Variants in ROCK1 observed in about 807,000 individuals in gnomAD.
ROCK1 encodes the protein Rho associated coiled-coil containing protein kinase 1.
In ROCK1, 36 loss-of-function variants were observed where a neutral mutation model predicts 196.8. The observed-to-expected ratio is 0.18, with a 90% CI of 0.14 to 0.24. The LOEUF (loss-of-function observed/expected upper bound fraction) is 0.24, where lower values mean the gene tolerates loss of function less well. ROCK1 is among the 10% of genes least tolerant of loss of function. ROCK1 has a pLI of 1.00. For missense variants in ROCK1, 920 were observed against 1,562.0 expected (o/e 0.59, Z 6.93); for synonymous variants, 443 against 515.9 (o/e 0.86, Z 1.91).
intron 1 of ROCK1, among the ~76,000 whole-genome samples, chr18:21,081,842 A>G (rs2036485088): frequency 6.6e-6 from 1 of 152,258 alleles, no homozygotes; most frequent in Non-Finnish European, 1.5e-5. Context: ...CAATAACTGT[A>G]ACAAGTAAGA....
At chr18:20,959,047 A>AAT (rs1334919677) in intron 29 of ROCK1, among the ~76,000 whole-genome samples, 6 of 49,536 alleles carry the variant, frequency 1.2e-4, no homozygotes, top group East Asian at 5.5e-4. Context: ...TATAATATAT[A>AAT]ATATATATAT....
At chr18:20,959,040 A>AATAT (rs1376289380) in intron 29 of ROCK1, among the ~76,000 whole-genome samples, 1 of 57,426 alleles carries the variant, frequency 1.7e-5, no homozygotes, top group African/African-American at 1.4e-4. Context: ...TATTTTATAT[A>AATAT]ATATATAATA....
intron 13 of ROCK1, 84 bp downstream of exon 13, chr18:21,015,347 C>A: frequency 2.1e-6 from 2 of 931,706 alleles, no homozygotes; most frequent in South Asian, 2.8e-5. Context: ...CTACAGAATT[C>A]AAATACAATT....
intron 2 of ROCK1, among the ~76,000 whole-genome samples, chr18:21,055,978 C>T (rs1376503903): frequency 1.3e-5 from 2 of 152,162 alleles, no homozygotes; most frequent in African/African-American, 4.8e-5. Context: ...ACTTCAATCA[C>T]TCTCTCCTGA....
chr18:20,987,299 G>C (rs2035586427), intron 18 of ROCK1, among the ~76,000 whole-genome samples, 189 bp from the exon 19 acceptor site: 1 of 152,120 alleles, frequency 6.6e-6, no homozygotes, highest in Non-Finnish European at 1.5e-5. Context: ...CTAAAGAAAA[G>C]GAGTTATAAA....
At chr18:20,958,203 A>G (rs2035265218) in intron 29 of ROCK1, among the ~76,000 whole-genome samples, 3 of 152,186 alleles carry the variant, frequency 2.0e-5, no homozygotes, top group African/African-American at 2.4e-5. Flanking sequence ...AATTTTGACA[A>G]CTAAAGCTGT....
intron 9 of ROCK1, among the ~76,000 whole-genome samples, chr18:21,035,263 C>T (rs1283794812): frequency 6.6e-6 from 1 of 152,214 alleles, no homozygotes; most frequent in African/African-American, 2.4e-5. Context: ...AAACATATGG[C>T]TGAGCGTGGT....
chr18:21,002,532 T>C (rs539473333), intron 16 of ROCK1, among the ~76,000 whole-genome samples: 1 of 152,310 alleles, frequency 6.6e-6, no homozygotes, highest in Admixed American at 6.5e-5. Context: ...GACTTTCTTT[T>C]ATAAGCTGTA....
At chr18:21,040,501 C>T (rs2036095900) in intron 8 of ROCK1, among the ~76,000 whole-genome samples, 1 of 152,138 alleles carries the variant, frequency 6.6e-6, no homozygotes, top group Non-Finnish European at 1.5e-5. Context: ...AAAGTTAGCA[C>T]CTTTTTTCCC....
rs529904656 is a variant in ROCK1 at position 21,015,414 on chromosome 18, T to A, written c.1410+17A>T. 20 of 1,514,178 alleles carry A rather than the reference T, an allele frequency of 1.3e-5. No individual in the cohort carries two copies. The highest frequency in any genetic ancestry group is 1.8e-6 in the Non-Finnish European group (2 of 1,097,734). 93.8% of individuals were successfully genotyped at this position (1,514,178 alleles called of 1,614,324 possible). A position where few individuals can be genotyped will look rare whatever the true frequency, so the allele number is the denominator to read the frequency against. On this transcript the variant is annotated intron_variant, in intron 13 of 32. Transcript: ENST00000399799. Reference sequence around the variant, plus strand: ...AAAAATCTCAAAAAGGAAACTTGATTAGAAAACAAAAAGTACCTCTTCATC... The same window carrying A: ...AAAAATCTCAAAAAGGAAACTTGATAAGAAAACAAAAAGTACCTCTTCATC...
intron 11 of ROCK1, among the ~76,000 whole-genome samples, chr18:21,021,438 T>C (rs1031029081): frequency 6.6e-5 from 10 of 151,750 alleles, no homozygotes; most frequent in Admixed American, 6.6e-4. Context: ...TAAATAAAAT[T>C]CAAAAATATG....
intron 1 of ROCK1, among the ~76,000 whole-genome samples, chr18:21,071,256 GCA>G (rs1401034100): frequency 8.2e-5 from 12 of 146,506 alleles, no homozygotes. Flanking sequence ...TTGGCTCAAT[GCA>G]ACCTCCACCT....
intron 11 of ROCK1, among the ~76,000 whole-genome samples, chr18:21,022,637 C>T (rs1214887589): frequency 1.3e-5 from 2 of 152,136 alleles, no homozygotes; most frequent in African/African-American, 4.8e-5. Flanking sequence ...CAATGCTCTA[C>T]GTTTTATATT....
intron 16 of ROCK1, among the ~76,000 whole-genome samples, chr18:21,001,223 G>A (rs180848785): frequency 8.8e-4 from 134 of 152,264 alleles, no homozygotes; most frequent in Non-Finnish European, 5.7e-4. Context: ...TATCCAGAAC[G>A]GGTAAATTCA....
At chr18:21,103,287 A>G (rs1393690677) in intron 1 of ROCK1, among the ~76,000 whole-genome samples, 3 of 152,210 alleles carry the variant, frequency 2.0e-5, no homozygotes, top group Non-Finnish European at 4.4e-5. Context: ...TTTAGGAACT[A>G]GTTCCAAAAA....
chr18:20,973,845 A>G (rs1188964490), intron 22 of ROCK1, among the ~76,000 whole-genome samples: 1 of 145,008 alleles, frequency 6.9e-6, no homozygotes, highest in Non-Finnish European at 1.5e-5. Flanking sequence ...CCCAGGCTGG[A>G]GTGCAGTGGT....
chr18:20,978,846 G>A (rs1427651496), intron 22 of ROCK1, among the ~76,000 whole-genome samples: 1 of 152,228 alleles, frequency 6.6e-6, no homozygotes, highest in Non-Finnish European at 1.5e-5. Flanking sequence ...TTTCATGGAT[G>A]ATGATGGTTA....
chr18:21,102,313 A>G (rs2036665925), intron 1 of ROCK1, among the ~76,000 whole-genome samples: 1 of 152,158 alleles, frequency 6.6e-6, no homozygotes, highest in South Asian at 2.1e-4. Context: ...CTACAAGTAA[A>G]CCAAACCTTA....
At chr18:21,078,060 G>C (rs1427872874) in intron 1 of ROCK1, among the ~76,000 whole-genome samples, 1 of 152,188 alleles carries the variant, frequency 6.6e-6, no homozygotes, top group African/African-American at 2.4e-5. Context: ...CAGGCACAGT[G>C]GCTCATGCCT....
Sources: gnomAD v4.1 joint callset for allele counts (sites outside exome capture counted in the v4.1 genomes callset) on GRCh38, gnomAD v4.1.1 for gene constraint, MANE v1.5 for transcripts, NCBI Gene and HGNC (gene_info 2026-07-23, HGNC 2026-07-21) for gene names.